B4GALNT3: variants seen among roughly 807,000 people sequenced by gnomAD.
B4GALNT3 encodes beta-1,4-N-acetyl-galactosaminyltransferase 3, also known as beta-1,4-N-acetylgalactosaminyltransferase 3.
Under a neutral mutation model 120.2 loss-of-function variants are expected in B4GALNT3, and 86 were observed. That is an observed-to-expected ratio of 0.72 (90% CI 0.60 to 0.86). The LOEUF is 0.86. Among genes scored for constraint, B4GALNT3 ranks in the 40% least tolerant of loss-of-function variants. The probability of loss-of-function intolerance (pLI) is 0.00; values close to 1 mark genes in which losing one functional copy is unlikely to be tolerated. For missense variants in B4GALNT3, 1,167 were observed against 1,298.9 expected, an observed-to-expected ratio of 0.90 and a Z score of 1.56; for synonymous variants, 518 against 510.4, an observed-to-expected ratio of 1.01 and a Z score of -0.20.
chr12:483,806 T>C (rs1946264088), intron 1 of B4GALNT3, among the ~76,000 whole-genome samples: 1 of 152,162 alleles, frequency 6.6e-6, no homozygotes, highest in African/African-American at 2.4e-5. Context: ...AAAATTGAAG[T>C]TCAGAGGTAC....
chr12:491,502 G>T (rs1017767770), intron 1 of B4GALNT3, among the ~76,000 whole-genome samples: 7 of 151,654 alleles, frequency 4.6e-5, no homozygotes, highest in African/African-American at 1.7e-4. Flanking sequence ...GCTAATTTTT[G>T]TATTTTTGTA....
At chr12:468,519 T>C (rs1946104558) in intron 1 of B4GALNT3, among the ~76,000 whole-genome samples, 1 of 152,074 alleles carries the variant, frequency 6.6e-6, no homozygotes, top group African/African-American at 2.4e-5. Context: ...GCAAATTCAA[T>C]AAAATTGGAG....
chr12:502,717 G>A (rs1326064826), intron 1 of B4GALNT3, among the ~76,000 whole-genome samples: 4 of 152,094 alleles, frequency 2.6e-5, no homozygotes, highest in Admixed American at 1.3e-4. Context: ...GGAGTGACAC[G>A]TGAGCACTTT....
At chr12:517,834 A>G (rs1220798717) in intron 1 of B4GALNT3, among the ~76,000 whole-genome samples, 2 of 152,230 alleles carry the variant, frequency 1.3e-5, no homozygotes, top group Non-Finnish European at 2.9e-5. Flanking sequence ...TGGCAGGACC[A>G]TCAGCCATGA....
At chr12:520,699 G>C (rs573490830) in intron 1 of B4GALNT3, among the ~76,000 whole-genome samples, 1 of 74,678 alleles carries the variant, frequency 1.3e-5, no homozygotes, top group African/African-American at 5.5e-5. Flanking sequence ...CCTGAGGCAG[G>C]AGAATCTCTT....
rs1243777458 is a variant in B4GALNT3 at position 460,140 on chromosome 12, G to A, written c.-237G>A. On this transcript the variant is annotated 5_prime_UTR_variant, in exon 1 of 20. Transcript: ENST00000266383. This position sits in a 1 kb window ranked among gnomAD's most constrained non-coding sequence, Gnocchi z 8.0. The stretch of plus-strand genomic sequence containing the variant: ...GCCCGGCGCGGAACACACGCGCGGA[G>A]GAGGAGCCGGGCTCGGCTCCCGGAG... 6.6e-6 allele frequency among the ~76,000 whole-genome samples: 1 copy of A among 150,992 alleles called. No individual in the cohort carries two copies. Among genetic ancestry groups the A allele is most frequent in the Non-Finnish European group, 1.5e-5 (1 of 67,538 alleles).
At chr12:510,404 C>G (rs1472608843) in intron 1 of B4GALNT3, among the ~76,000 whole-genome samples, 5 of 136,636 alleles carry the variant, frequency 3.7e-5, no homozygotes, top group Non-Finnish European at 8.3e-5. Flanking sequence ...GCTAGCAGCT[C>G]CCCCGATCCT....
intron 1 of B4GALNT3, among the ~76,000 whole-genome samples, chr12:468,372 A>G (rs1946102608): frequency 6.6e-6 from 1 of 152,232 alleles, no homozygotes; most frequent in South Asian, 2.1e-4. Context: ...GTCTTTATTT[A>G]GGTACTGAAA....
intron 1 of B4GALNT3, among the ~76,000 whole-genome samples, chr12:512,580 C>A (rs1289441437): frequency 1.3e-4 from 18 of 136,938 alleles, no homozygotes; most frequent in Non-Finnish European, 2.5e-4. Context: ...CTTCCACCTT[C>A]TTCCACCTTC....
intron 1 of B4GALNT3, among the ~76,000 whole-genome samples, chr12:528,489 G>A (rs1351389753): frequency 6.6e-6 from 1 of 152,202 alleles, no homozygotes; most frequent in African/African-American, 2.4e-5. Context: ...AGTGTTAACC[G>A]TTACTGTTGT....
intron 1 of B4GALNT3, among the ~76,000 whole-genome samples, chr12:483,767 C>T (rs1946263814): frequency 6.6e-6 from 1 of 152,210 alleles, no homozygotes; most frequent in African/African-American, 2.4e-5. Flanking sequence ...ACAACGGACA[C>T]TTTCTATTGT....
chr12:550,793 C>A lies in B4GALNT3; in HGVS notation c.998-129C>A. ...TGGGGCAGCCTCCAGCTGGCAGCCT[C>A]AGCCACAGACGTCGGCAGAACACAG... On this transcript the variant is annotated intron_variant, in intron 10 of 19. Transcript: ENST00000266383. The surrounding 1 kb of genome is among the most constrained non-coding windows in gnomAD (Gnocchi z 4.1). 1.4e-6 allele frequency: 1 copy of A among 736,034 alleles called. No homozygotes were observed. Among genetic ancestry groups the A allele is most frequent in the Non-Finnish European group, 2.2e-6 (1 of 448,864 alleles). 45.6% of individuals were successfully genotyped at this position (736,034 alleles called of 1,614,324 possible).
At chr12:489,858 C>T (rs541212184) in intron 1 of B4GALNT3, among the ~76,000 whole-genome samples, 78 of 152,266 alleles carry the variant, frequency 5.1e-4, no homozygotes, top group Admixed American at 2.6e-4. Flanking sequence ...TGACCATATT[C>T]GGGGTGGTAA....
intron 1 of B4GALNT3, among the ~76,000 whole-genome samples, chr12:477,870 C>T (rs530241399): frequency 6.6e-6 from 1 of 152,186 alleles, no homozygotes; most frequent in East Asian, 1.9e-4. Context: ...CCATTACTGG[C>T]AGTGTGAGGG....
intron 14 of B4GALNT3, among the ~76,000 whole-genome samples, chr12:555,133 G>T (rs1481449941): frequency 6.6e-6 from 1 of 150,992 alleles, no homozygotes; most frequent in Non-Finnish European, 1.5e-5. Flanking sequence ...AGCAGAGGTC[G>T]CACCATTGCA....
chr12:536,074 T>C (rs1946855692), intron 2 of B4GALNT3, 144 bp from the exon 3 acceptor site: 14 of 648,006 alleles, frequency 2.2e-5, no homozygotes, highest in South Asian at 2.0e-4. Context: ...ACTATGGAGA[T>C]GTATTCCCAG....
chr12:464,189 C>T (rs922621953), intron 1 of B4GALNT3, among the ~76,000 whole-genome samples: 9 of 152,182 alleles, frequency 5.9e-5, no homozygotes, highest in South Asian at 2.1e-4. Flanking sequence ...ATAAGTGGTA[C>T]GGCTATCCTG....
chr12:516,213 G>A (rs1393331526), intron 1 of B4GALNT3, among the ~76,000 whole-genome samples: 1 of 151,982 alleles, frequency 6.6e-6, no homozygotes, highest in African/African-American at 2.4e-5. Flanking sequence ...GGAGAAGATA[G>A]ATTTTATACA....
rs377477709 is a variant in B4GALNT3 at position 558,447 on chromosome 12, C to G, written c.2608-61C>G. 8 of 1,517,392 alleles carry G rather than the reference C, an allele frequency of 5.3e-6. No homozygotes were observed. In the African/African-American group the frequency reaches 8.3e-5, roughly 16 times the overall value. 94.0% of individuals were successfully genotyped at this position (1,517,392 alleles called of 1,614,324 possible). On this transcript the variant is annotated intron_variant, in intron 17 of 19. Transcript: ENST00000266383. ...AGACTCCGAGGCTTCTCCTAGACGG[C>G]GACCTGACCTCCTAGCTCTGGTCTG...
Sources: gnomAD v4.1 joint callset for allele counts (sites outside exome capture counted in the v4.1 genomes callset) on GRCh38, gnomAD v4.1.1 for gene constraint, Gnocchi (gnomAD v3.1) non-coding constraint, MANE v1.5 for transcripts, NCBI Gene and HGNC (gene_info 2026-07-23, HGNC 2026-07-21) for gene names.